The following CDC37 variants were observed in gnomAD, a reference collection of about 807,000 sequenced individuals.
CDC37 encodes cell division cycle 37, HSP90 cochaperone.
Under a neutral mutation model 46.9 loss-of-function variants are expected in CDC37, and 9 were observed. The ratio of observed to expected loss-of-function variants is 0.19; its 90% CI spans 0.12 to 0.33. The LOEUF (loss-of-function observed/expected upper bound fraction) is 0.33, where lower values mean the gene tolerates loss of function less well. Ranked by LOEUF, CDC37 falls within the 10% of genes least tolerant of loss-of-function variation. CDC37 has a pLI of 1.00. For synonymous variants in CDC37, 193 were observed against 191.0 expected, an observed-to-expected ratio of 1.01 and a Z score of -0.09; for missense variants, 388 against 514.6, an observed-to-expected ratio of 0.75 and a Z score of 2.38.
intron 1 of CDC37, among the ~76,000 whole-genome samples, chr19:10,402,495 G>A (rs2042524807): frequency 6.6e-6 from 1 of 152,118 alleles, no homozygotes; most frequent in Non-Finnish European, 1.5e-5. Context: ...TGAGTTAGGG[G>A]AGAGTTTCCA....
chr19:10,391,773 C>A (rs2145415161), intron 7 of CDC37, 67 bp from the exon 8 acceptor site: 2 of 1,515,646 alleles, frequency 1.3e-6, no homozygotes, highest in East Asian at 4.5e-5. Flanking sequence ...CCCCGTTGTC[C>A]CTTGCACATC....
At position 10,403,451 on chromosome 19, in the gene CDC37, A is replaced by G; in HGVS notation, c.29T>C (p.Ile10Thr). 6.2e-7 allele frequency: 1 copy of G among 1,613,538 alleles called. No homozygotes were observed. Among genetic ancestry groups the G allele is most frequent in the Non-Finnish European group, 8.5e-7 (1 of 1,179,880 alleles). MVDYSVWDH[I>T]EVSDDEDETH... ...CTCGTCTTCATCATCAGACACCTCAATGTGGTCCCACACGCTGTAGTCCAC... is the reference window on the plus strand; with the variant it reads ...CTCGTCTTCATCATCAGACACCTCAGTGTGGTCCCACACGCTGTAGTCCAC... The change falls in exon 1 of 8, where the codon ATT (isoleucine) becomes ACT (threonine). Residue 10 changes from isoleucine to threonine, a missense_variant. By Grantham distance (89) the Ile-to-Thr change is moderately conservative. This residue lies in a region of CDC37 where 14 missense variants were observed against 47.2 expected (regional missense o/e 0.30). Transcript: ENST00000222005.
At position 10,391,437 on chromosome 19, in the gene CDC37, G is replaced by A; in HGVS notation, c.*114C>T. 1 of 1,345,340 alleles carries A rather than the reference G, an allele frequency of 7.4e-7. No individual in the cohort carries two copies. Among genetic ancestry groups the A allele is most frequent in the East Asian group, 2.3e-5 (1 of 43,594 alleles). The allele number at this position is 1,345,340 out of a possible 1,614,324, so 83.3% of individuals were successfully genotyped here. A position where few individuals can be genotyped will look rare whatever the true frequency, so the allele number is the denominator to read the frequency against. On this transcript the variant is annotated 3_prime_UTR_variant, in exon 8 of 8. Coordinates refer to ENST00000222005, the MANE Select transcript of CDC37 (RefSeq NM_007065.4). ...GAGGGCTGGGCGGGCCCCCCAGGCT[G>A]GGCCGAGCAGCGCAAGTAGAGGAAG...
In CDC37 at chr19:10,395,157, C is replaced by T. The variant is rs766090745; in HGVS notation, c.604-14G>A. 1.5e-5 allele frequency: 24 copies of T among 1,605,762 alleles called. No homozygotes were observed. The highest frequency in any genetic ancestry group is 2.0e-5 in the Non-Finnish European group (23 of 1,173,576). ...GAGTGCACATTTCTGCCAGGAAGAA[C>T]AGGCACAGCGTCACCAAGTGGCGGC... On this transcript the variant is annotated splice_polypyrimidine_tract_variant and intron_variant, in intron 4 of 7. Coordinates refer to ENST00000222005, the MANE Select transcript of CDC37 (RefSeq NM_007065.4).
chr19:10,391,771 T>A, intron 7 of CDC37, 65 bp from the exon 8 acceptor site: 1 of 1,532,060 alleles, frequency 6.5e-7, no homozygotes. Flanking sequence ...GTCCCCGTTG[T>A]CCCTTGCACA....
At chr19:10,392,686 G>C (rs571408784) in intron 7 of CDC37, 16 of 228,894 alleles carry the variant, frequency 7.0e-5, no homozygotes, top group African/African-American at 1.4e-4. Flanking sequence ...GCCTGGGTGA[G>C]AGAGGAAGAC....
rs750170274 is a variant in CDC37, at chr19:10,393,282, C to T, written c.886G>A (p.Glu296Lys). 3 of 1,612,982 alleles carry T rather than the reference C, an allele frequency of 1.9e-6. No homozygotes were observed. The highest frequency in any genetic ancestry group is 1.1e-5 in the South Asian group (1 of 91,000). ...RLGPGGLDPV[E>K]VYESLPEELQ... is the part of the protein sequence containing the mutation. ...ACCTCAGGGAGGGACTCGTAGACCTCGACGGGGTCCAGGCCGCCGGGGCCG... is the reference window on the plus strand; with the variant it reads ...ACCTCAGGGAGGGACTCGTAGACCTTGACGGGGTCCAGGCCGCCGGGGCCG... Residue 296 changes from glutamate (E) to lysine (K), a missense_variant, in exon 6 of 8, where the codon GAG (glutamate) becomes AAG (lysine). Coordinates refer to ENST00000222005, the MANE Select transcript of CDC37 (RefSeq NM_007065.4). The surrounding 1 kb of genome is among the most constrained non-coding windows in gnomAD (Gnocchi z 4.9).
Position 10,395,127 on chromosome 19 carries a change from T to A in CDC37, c.620A>T (p.Glu207Val), listed in dbSNP as rs1266960631. 8 of 1,593,342 alleles carry A rather than the reference T, an allele frequency of 5.0e-6. No homozygotes were observed. The highest frequency in any genetic ancestry group is 6.9e-6 in the Non-Finnish European group (8 of 1,166,326). The change falls in exon 5 of 8, where the codon GAG becomes GTG. Residue 207 changes from glutamate (E) to valine (V), a missense_variant. Physicochemically the swap from Glu to Val is moderately radical, Grantham distance 121. Transcript: ENST00000222005. ...GACGATTGTCTGGTGGGCCACCTGCTCCATGAGTGCACATTTCTGCCAGGA... is the reference window on the plus strand; with the variant it reads ...GACGATTGTCTGGTGGGCCACCTGCACCATGAGTGCACATTTCTGCCAGGA... ...LEVEEKCALM[E>V]QVAHQTIVMQ...
chr19:10,395,418 C>G lies in CDC37; in HGVS notation c.487+17G>C, dbSNP rs756698559. The G allele has an allele frequency of 1.9e-6, 3 of 1,610,596 alleles. No homozygotes were observed. The South Asian group carries it at 3.3e-5, about 18-fold the overall frequency. Reference sequence around the variant, plus strand: ...CTGCCTCGACCTTGCCCCCCATAACCCACAAGCCCCACTCACCAAAGTGCT... The same window carrying G: ...CTGCCTCGACCTTGCCCCCCATAACGCACAAGCCCCACTCACCAAAGTGCT... On this transcript the variant is annotated intron_variant, in intron 3 of 7. Transcript: ENST00000222005.
Position 10,393,472 on chromosome 19 carries a change from T to C in CDC37, c.727-31A>G. ...GGGGTTGGGCAGTGCTCACTGGACC[T>C]GGCCCAACGCTCAGGAGGGACTGGG... On this transcript the variant is annotated intron_variant, in intron 5 of 7. Coordinates refer to ENST00000222005, the MANE Select transcript of CDC37 (RefSeq NM_007065.4). This position sits in a 1 kb window ranked among gnomAD's most constrained non-coding sequence, Gnocchi z 4.9. 1.3e-6 allele frequency: 2 copies of C among 1,591,186 alleles called. No individual in the cohort carries two copies. The highest frequency in any genetic ancestry group is 4.5e-5 in the East Asian group (2 of 44,736).
intron 1 of CDC37, among the ~76,000 whole-genome samples, chr19:10,402,275 T>C (rs545842898): frequency 5.3e-5 from 8 of 151,470 alleles, no homozygotes; most frequent in African/African-American, 1.9e-4. Context: ...CATTGGCTCG[T>C]GAGCACTGAG....
chr19:10,393,820 G>A lies in CDC37; in HGVS notation c.727-379C>T, dbSNP rs188720007. The A allele has an allele frequency of 8.2e-5, 15 of 181,874 alleles. No homozygotes were observed. The highest frequency in any genetic ancestry group is 1.1e-4 in the Non-Finnish European group (10 of 87,358). The allele number at this position is 181,874 out of a possible 1,614,324, so 11.3% of individuals were successfully genotyped here. A position where few individuals can be genotyped will look rare whatever the true frequency, so the allele number is the denominator to read the frequency against. ...AAATCCTAGAGGCTAGGCCGGGCGC[G>A]GTGGCTCACGCCTGTAATCCCAGCA... On this transcript the variant is annotated intron_variant, in intron 5 of 7. Coordinates refer to ENST00000222005, the MANE Select transcript of CDC37 (RefSeq NM_007065.4). This position sits in a 1 kb window ranked among gnomAD's most constrained non-coding sequence, Gnocchi z 4.9.
chr19:10,395,861 G>T (rs762175603), intron 2 of CDC37, 67 bp downstream of exon 2: 11 of 1,544,504 alleles, frequency 7.1e-6, no homozygotes, highest in Non-Finnish European at 7.1e-6. Flanking sequence ...CATTGGGTGC[G>T]CATGCGTCCT....
chr19:10,393,792 T>G lies in CDC37; in HGVS notation c.727-351A>C, dbSNP rs923641468. On this transcript the variant is annotated intron_variant, in intron 5 of 7. Coordinates refer to ENST00000222005, the MANE Select transcript of CDC37 (RefSeq NM_007065.4). The surrounding 1 kb of genome is among the most constrained non-coding windows in gnomAD (Gnocchi z 4.9). ...GCCCTGTTCCTCCAGGTACGCAGGTTAAAAATCCTAGAGGCTAGGCCGGGC... is the reference window on the plus strand; with the variant it reads ...GCCCTGTTCCTCCAGGTACGCAGGTGAAAAATCCTAGAGGCTAGGCCGGGC... The G allele has an allele frequency of 1.1e-4, 24 of 227,920 alleles. No homozygotes were observed. The highest frequency in any genetic ancestry group is 8.5e-5 in the Non-Finnish European group (10 of 117,198). The allele number at this position is 227,920 out of a possible 1,614,324, so 14.1% of individuals were successfully genotyped here.
In CDC37 at chr19:10,393,756, C is replaced by G. The variant is rs28382790; in HGVS notation, c.727-315G>C. 2 of 329,612 alleles carry G rather than the reference C, an allele frequency of 6.1e-6. No individual in the cohort carries two copies. The highest frequency in any genetic ancestry group is 1.1e-5 in the Non-Finnish European group (2 of 178,998). The allele number at this position is 329,612 out of a possible 1,614,324, so 20.4% of individuals were successfully genotyped here. ...GCCTTGTCCTTGGTCTCCCTAATCTCGGTAAGGATAGCCCTGTTCCTCCAG... is the reference window on the plus strand; with the variant it reads ...GCCTTGTCCTTGGTCTCCCTAATCTGGGTAAGGATAGCCCTGTTCCTCCAG... On this transcript the variant is annotated intron_variant, in intron 5 of 7. Transcript: ENST00000222005. The surrounding 1 kb of genome is among the most constrained non-coding windows in gnomAD (Gnocchi z 4.9).
Position 10,396,332 on chromosome 19 carries a change from AG to A in CDC37, c.103-130del. The A allele has an allele frequency of 9.2e-7, 1 of 1,087,740 alleles. No homozygotes were observed. Among genetic ancestry groups the A allele is most frequent in the South Asian group, 1.6e-5 (1 of 62,254 alleles). 67.4% of individuals were successfully genotyped at this position (1,087,740 alleles called of 1,614,324 possible). On this transcript the variant is annotated intron_variant, in intron 1 of 7. Transcript: ENST00000222005. This position sits in a 1 kb window ranked among gnomAD's most constrained non-coding sequence, Gnocchi z 5.9. ...TCCACCTCCCGTGCCCTGGTCTCCC[AG>A]CTTCCGCCCCTGCGCCCACAGGTGC...
chr19:10,399,461 C>A (rs28500700), intron 1 of CDC37, among the ~76,000 whole-genome samples: 8 of 74,602 alleles, frequency 1.1e-4, no homozygotes, highest in African/African-American at 5.2e-4. Flanking sequence ...ATGACCCTGT[C>A]TGAAAAAAAA....
In CDC37 at chr19:10,391,547, C is replaced by A. The variant is rs1349160837; in HGVS notation, c.*4G>T. ...AAGCAGGTGGCGGTGGTAGCTGGGG[C>A]AGGTCACACACTGACATCCTTCTCA... On this transcript the variant is annotated 3_prime_UTR_variant, in exon 8 of 8. Transcript: ENST00000222005. 1 of 1,614,058 alleles carries A rather than the reference C, an allele frequency of 6.2e-7. No homozygotes were observed. The highest frequency in any genetic ancestry group is 8.5e-7 in the Non-Finnish European group (1 of 1,180,016).
At chr19:10,401,081 G>A (rs890754623) in intron 1 of CDC37, among the ~76,000 whole-genome samples, 3 of 152,188 alleles carry the variant, frequency 2.0e-5, no homozygotes, top group Non-Finnish European at 2.9e-5. Context: ...CCTGTGCTCT[G>A]AACGACAGCA....
Sources: gnomAD v4.1 joint callset for allele counts (sites outside exome capture counted in the v4.1 genomes callset) on GRCh38, gnomAD v4.1.1 for gene constraint, gnomAD v4.1.1 regional missense constraint, Gnocchi (gnomAD v3.1) non-coding constraint, MANE v1.5 for transcripts, NCBI Gene and HGNC (gene_info 2026-07-23, HGNC 2026-07-21) for gene names.